EHD4: variants seen among roughly 807,000 people sequenced by gnomAD.
The protein encoded by EHD4 is EH domain-containing protein 4.
In EHD4, 37 loss-of-function variants were observed where a neutral mutation model predicts 51.0. That is an observed-to-expected ratio of 0.73 (90% CI 0.56 to 0.95). The LOEUF is 0.95. Among genes scored for constraint, EHD4 ranks in the 40% least tolerant of loss-of-function variants. The probability of loss-of-function intolerance (pLI) is 0.00; values close to 1 mark genes in which losing one functional copy is unlikely to be tolerated. For missense variants in EHD4, 632 were observed against 733.1 expected, an observed-to-expected ratio of 0.86 and a Z score of 1.59; for synonymous variants, 297 against 317.3, an observed-to-expected ratio of 0.94 and a Z score of 0.68.
chr15:41,963,968 A>G (rs1472400830), intron 1 of EHD4, among the ~76,000 whole-genome samples: 3 of 151,722 alleles, frequency 2.0e-5, no homozygotes, highest in South Asian at 4.2e-4. Flanking sequence ...ATACAGTGAA[A>G]CCCCGTCTCT....
In EHD4 at chr15:41,920,936, G is replaced by T. The variant is rs149115660; in HGVS notation, c.512-1314C>A. Among the ~76,000 whole-genome samples the T allele has an allele frequency of 4.8e-3, 736 of 152,318 alleles. 5 individuals carry two copies. Among genetic ancestry groups the T allele is most frequent in the Non-Finnish European group, 8.3e-3 (567 of 68,024 alleles). On this transcript the variant is annotated intron_variant, in intron 3 of 5. Transcript: ENST00000220325. ...CGATTGTGAGACCCTGGTTGGCTGTGGGGGTGGAGAAGGTGTGAATCCAAG... is the reference window on the plus strand; with the variant it reads ...CGATTGTGAGACCCTGGTTGGCTGTTGGGGTGGAGAAGGTGTGAATCCAAG...
At chr15:41,931,247 C>T (rs1353866016) in intron 3 of EHD4, among the ~76,000 whole-genome samples, 1 of 152,216 alleles carries the variant, frequency 6.6e-6, no homozygotes, top group East Asian at 1.9e-4. Flanking sequence ...TGCAGTGGCT[C>T]ATGCCTGCAA....
intron 1 of EHD4, among the ~76,000 whole-genome samples, chr15:41,969,258 A>G (rs75102097): frequency 1.3e-5 from 2 of 152,324 alleles, no homozygotes; most frequent in Non-Finnish European, 2.9e-5. Context: ...AAAAATGTGT[A>G]GTTTGGGATG....
At chr15:41,968,283 A>C (rs1003449029) in intron 1 of EHD4, among the ~76,000 whole-genome samples, 1 of 152,112 alleles carries the variant, frequency 6.6e-6, no homozygotes, top group Non-Finnish European at 1.5e-5. Context: ...TAATATCTAA[A>C]GTTTTTAAAC....
chr15:41,964,210 ACAGACAATT>A (rs1254284227), intron 1 of EHD4, among the ~76,000 whole-genome samples: 1 of 151,958 alleles, frequency 6.6e-6, no homozygotes, highest in Non-Finnish European at 1.5e-5. Context: ...GACAAAGTTC[ACAGACAATT>A]CAGACAATTC....
At chr15:41,944,777 T>C (rs2067800188) in intron 2 of EHD4, among the ~76,000 whole-genome samples, 1 of 152,166 alleles carries the variant, frequency 6.6e-6, no homozygotes, top group Non-Finnish European at 1.5e-5. Flanking sequence ...CTGATGTCAG[T>C]GGGGTGGAAT....
At chr15:41,949,051 T>TATACAC (rs1491135423) in intron 2 of EHD4, among the ~76,000 whole-genome samples, 9 of 109,456 alleles carry the variant, frequency 8.2e-5, no homozygotes, top group Middle Eastern at 5.6e-3. Context: ...TATATATATA[T>TATACAC]ACACACATAC....
At chr15:41,958,331 G>A (rs2067901245) in intron 1 of EHD4, among the ~76,000 whole-genome samples, 1 of 152,038 alleles carries the variant, frequency 6.6e-6, no homozygotes, top group Non-Finnish European at 1.5e-5. Flanking sequence ...ATTCCAAGCA[G>A]CTGGGCGGAA....
At chr15:41,936,084 T>C (rs1258274667) in intron 3 of EHD4, among the ~76,000 whole-genome samples, 2 of 152,198 alleles carry the variant, frequency 1.3e-5, no homozygotes, top group Non-Finnish European at 2.9e-5. Flanking sequence ...TGAACACTTG[T>C]AGAGATTTAG....
At position 41,897,520 on chromosome 15, in the gene EHD4, CG is replaced by C. The variant is rs1353518377; in HGVS notation, c.*3124del. On this transcript the variant is annotated 3_prime_UTR_variant, in exon 6 of 6. Coordinates refer to ENST00000220325, the MANE Select transcript of EHD4 (RefSeq NM_139265.4). ...ACCCTGCCCCCAGGCCATCCAAGTG[CG>C]GTGAGTTGAGAAATGAATTGACAGA... 1.3e-5 allele frequency: 2 copies of C among 152,314 alleles called. No individual in the cohort carries two copies. The highest frequency in any genetic ancestry group is 4.8e-5 in the African/African-American group (2 of 41,456). The allele number at this position is 152,314 out of a possible 1,614,324, so 9.4% of individuals were successfully genotyped here.
intron 5 of EHD4, among the ~76,000 whole-genome samples, chr15:41,906,930 C>T (rs1288744843): frequency 6.6e-6 from 1 of 152,198 alleles, no homozygotes; most frequent in Non-Finnish European, 1.5e-5. Flanking sequence ...AAGGCTTGGC[C>T]CTCCTTGTAC....
intron 1 of EHD4, among the ~76,000 whole-genome samples, chr15:41,967,058 A>G (rs986956249): frequency 6.6e-6 from 1 of 152,124 alleles, no homozygotes; most frequent in Non-Finnish European, 1.5e-5. Flanking sequence ...GTCCACTCAA[A>G]CATGACAGGT....
chr15:41,972,340 G>T lies in EHD4; in HGVS notation c.155C>A (p.Ala52Glu). 6.2e-7 allele frequency: 1 copy of T among 1,611,374 alleles called. No homozygotes were observed. Among genetic ancestry groups the T allele is most frequent in the Non-Finnish European group, 8.5e-7 (1 of 1,178,828 alleles). Reference protein sequence around the residue: ...AYRFHEFHSPALEDADFENKP... With the variant: ...AYRFHEFHSPELEDADFENKP... ...GTTCTCGAAGTCGGCGTCCTCCAGC[G>T]CAGGCGAGTGGAACTCGTGGAAGCG... The change falls in exon 1 of 6, where the codon GCG (alanine) becomes GAG (glutamate). Residue 52 changes from alanine to glutamate, a missense_variant. Ala to Glu is a moderately radical substitution (Grantham distance 107). Transcript: ENST00000220325.
intron 5 of EHD4, among the ~76,000 whole-genome samples, chr15:41,908,885 C>T (rs1054485946): frequency 2.2e-4 from 34 of 152,218 alleles, no homozygotes; most frequent in African/African-American, 7.7e-4. Context: ...GTTTGCGTTA[C>T]TGGGTGGTGG....
chr15:41,925,874 T>C (rs1934207154), intron 3 of EHD4, among the ~76,000 whole-genome samples: 2 of 152,170 alleles, frequency 1.3e-5, no homozygotes, highest in South Asian at 4.1e-4. Flanking sequence ...TGGTCCTCCA[T>C]CCTGGCCAGA....
intron 1 of EHD4, among the ~76,000 whole-genome samples, chr15:41,955,646 C>G (rs554404979): frequency 6.6e-6 from 1 of 152,210 alleles, no homozygotes; most frequent in Non-Finnish European, 1.5e-5. Flanking sequence ...AAGAGTTTCT[C>G]CATCAAAACC....
At chr15:41,971,850 TAAAC>T (rs750080670) in intron 1 of EHD4, among the ~76,000 whole-genome samples, 3 of 152,304 alleles carry the variant, frequency 2.0e-5, no homozygotes, top group East Asian at 1.9e-4. Flanking sequence ...AATGAATAGT[TAAAC>T]AAACTCTCCA....
At chr15:41,962,646 C>T (rs550786024) in intron 1 of EHD4, among the ~76,000 whole-genome samples, 32 of 152,124 alleles carry the variant, frequency 2.1e-4, no homozygotes, top group African/African-American at 7.2e-4. Flanking sequence ...AAAGAGCGCC[C>T]GGCCAGCCGC....
chr15:41,905,417 A>G (rs954282133), intron 5 of EHD4, among the ~76,000 whole-genome samples: 1 of 152,168 alleles, frequency 6.6e-6, no homozygotes, highest in African/African-American at 2.4e-5. Flanking sequence ...CTGCTGTGAT[A>G]TGGCCTTACA....
Sources: allele counts gnomAD v4.1 joint callset (sites outside exome capture counted in the v4.1 genomes callset), GRCh38; gene constraint gnomAD v4.1.1; transcripts MANE v1.5; gene names NCBI Gene and HGNC (gene_info 2026-07-23, HGNC 2026-07-21).